The following PTPRD variants were observed in gnomAD, a reference collection of about 807,000 sequenced individuals.
PTPRD encodes protein tyrosine phosphatase receptor type D.
PTPRD carries 34 observed loss-of-function variants against 214.5 expected under a neutral mutation model. The ratio of observed to expected loss-of-function variants is 0.16; its 90% CI spans 0.12 to 0.21. The LOEUF is 0.21. PTPRD is among the 10% of genes least tolerant of loss of function. The pLI, the probability that PTPRD is intolerant of heterozygous loss-of-function variation, is 1.00. For synonymous variants in PTPRD, 1,128 were observed against 845.7 expected (o/e 1.33, Z -5.79); for missense variants, 2,545 against 2,398.7 (o/e 1.06, Z -1.27).
chr9:9,597,197 T>C (rs2154334454), intron 7 of PTPRD, among the ~76,000 whole-genome samples: 1 of 151,720 alleles, frequency 6.6e-6, no homozygotes, highest in East Asian at 1.9e-4. Context: ...AAACAGAAAG[T>C]GGATAAAGAG....
rs117486066 is a variant in PTPRD, at chr9:10,181,743, G to C, written c.-544-147953C>G. 3.5e-3 allele frequency among the ~76,000 whole-genome samples: 523 copies of C among 150,814 alleles called. 9 individuals are homozygous for C. The highest frequency in any genetic ancestry group is 0.019 in the East Asian group (100 of 5,132). On this transcript the variant is annotated intron_variant, in intron 3 of 45. Transcript: ENST00000381196. ...TGGCAAGGTGAACTGTTAGTAAATG[G>C]TGTTTGAAAATTTTCTCATTACATG...
intron 9 of PTPRD, among the ~76,000 whole-genome samples, chr9:9,284,619 A>G (rs1948790439): frequency 6.6e-6 from 1 of 151,764 alleles, no homozygotes; most frequent in African/African-American, 2.4e-5. Context: ...GTGTGACACT[A>G]TTAATGTGAT....
At chr9:9,888,687 T>C (rs2071951113) in intron 5 of PTPRD, among the ~76,000 whole-genome samples, 1 of 152,160 alleles carries the variant, frequency 6.6e-6, no homozygotes, top group Admixed American at 6.6e-5. Flanking sequence ...CCTCAGCAGA[T>C]ACAGATTCTT....
At chr9:8,558,618 G>A (rs1222594161) in intron 14 of PTPRD, among the ~76,000 whole-genome samples, 2 of 152,222 alleles carry the variant, frequency 1.3e-5, no homozygotes, top group African/African-American at 4.8e-5. Flanking sequence ...CAGGCCAGAT[G>A]AAGCCTAGAA....
intron 11 of PTPRD, among the ~76,000 whole-genome samples, chr9:8,785,101 A>G (rs2095884052): frequency 6.6e-6 from 1 of 152,222 alleles, no homozygotes; most frequent in Non-Finnish European, 1.5e-5. Flanking sequence ...GCTGTTCAAT[A>G]GAAACAACAA....
At chr9:8,660,984 T>G (rs187630947) in intron 12 of PTPRD, among the ~76,000 whole-genome samples, 15 of 152,064 alleles carry the variant, frequency 9.9e-5, no homozygotes, top group African/African-American at 3.6e-4. Context: ...ACACAAACAC[T>G]TGCACTCACT....
chr9:8,556,031 C>G (rs905933899), intron 14 of PTPRD, among the ~76,000 whole-genome samples: 1 of 152,182 alleles, frequency 6.6e-6, no homozygotes, highest in Admixed American at 6.5e-5. Flanking sequence ...CTGGAAAGAG[C>G]ATGCTACCCT....
intron 9 of PTPRD, among the ~76,000 whole-genome samples, chr9:9,396,293 C>T (rs569688863): frequency 2.0e-5 from 3 of 152,142 alleles, no homozygotes; most frequent in East Asian, 3.9e-4. Flanking sequence ...TTACTATTTA[C>T]AGCATGGTCT....
rs777639458 is a variant in PTPRD at position 8,449,841 on chromosome 9, TA to T, written c.3876-5del. ...AGAGTCGGACTCTGCCCTCTTCCTA[TA>T]GGGGGAAAATAGAAATTTAAGAAGA... On this transcript the variant is annotated splice_polypyrimidine_tract_variant and splice_region_variant and intron_variant, in intron 33 of 45. Transcript: ENST00000381196. 5.6e-6 allele frequency: 9 copies of T among 1,611,110 alleles called. No homozygotes were observed. In the African/African-American group the frequency reaches 8.0e-5, roughly 14 times the overall value.
chr9:10,301,336 C>A (rs2095856436), intron 3 of PTPRD, among the ~76,000 whole-genome samples: 1 of 152,126 alleles, frequency 6.6e-6, no homozygotes, highest in South Asian at 2.1e-4. Flanking sequence ...AGGCTGAAAA[C>A]TCCAAAAACC....
chr9:8,869,608 A>C (rs1169549276), intron 11 of PTPRD, among the ~76,000 whole-genome samples: 1 of 152,092 alleles, frequency 6.6e-6, no homozygotes, highest in Non-Finnish European at 1.5e-5. Context: ...ACTCAATTCA[A>C]ATTTATTGAT....
chr9:8,563,793 C>G (rs1419518532), intron 14 of PTPRD, among the ~76,000 whole-genome samples: 3 of 152,068 alleles, frequency 2.0e-5, no homozygotes, highest in Admixed American at 6.5e-5. Flanking sequence ...TCCAGAGTAG[C>G]TGGGACTACA....
intron 2 of PTPRD, among the ~76,000 whole-genome samples, chr9:10,384,769 A>AG (rs1300869953): frequency 3.6e-5 from 2 of 55,054 alleles, no homozygotes; most frequent in Non-Finnish European, 7.6e-5. Context: ...TAAATTTGTC[A>AG]GAAAAAAAAA....
At chr9:8,380,132 A>G (rs914862178) in intron 37 of PTPRD, among the ~76,000 whole-genome samples, 3 of 151,960 alleles carry the variant, frequency 2.0e-5, no homozygotes, top group African/African-American at 4.8e-5. Context: ...TCTAAATGTG[A>G]AAAAAAAGAA....
intron 4 of PTPRD, among the ~76,000 whole-genome samples, chr9:10,007,093 A>T (rs955820906): frequency 6.6e-6 from 1 of 151,960 alleles, no homozygotes; most frequent in Non-Finnish European, 1.5e-5. Flanking sequence ...CTCTGTTTTT[A>T]AAAAGAAAAC....
intron 14 of PTPRD, among the ~76,000 whole-genome samples, chr9:8,625,803 C>A (rs1316954697): frequency 6.6e-6 from 1 of 151,022 alleles, no homozygotes; most frequent in Non-Finnish European, 1.5e-5. Flanking sequence ...AAACACAGCT[C>A]ATTTTGGAAG....
At chr9:10,218,117 A>G (rs974526300) in intron 3 of PTPRD, among the ~76,000 whole-genome samples, 1 of 151,942 alleles carries the variant, frequency 6.6e-6, no homozygotes, top group African/African-American at 2.4e-5. Flanking sequence ...ATTAGTAAAG[A>G]AGAAAAACAG....
chr9:10,582,441 A>T (rs574749574), intron 2 of PTPRD, among the ~76,000 whole-genome samples: 1 of 152,096 alleles, frequency 6.6e-6, no homozygotes, highest in Non-Finnish European at 1.5e-5. Flanking sequence ...CCTCAAATCC[A>T]CTTTACTCAG....
intron 5 of PTPRD, among the ~76,000 whole-genome samples, chr9:9,910,649 T>G (rs2078935216): frequency 6.6e-6 from 1 of 152,028 alleles, no homozygotes; most frequent in Admixed American, 6.6e-5. Flanking sequence ...TGTTTTTTGT[T>G]ATTTAATTTT....
Sources: gnomAD v4.1 joint callset for allele counts (sites outside exome capture counted in the v4.1 genomes callset) on GRCh38, gnomAD v4.1.1 for gene constraint, MANE v1.5 for transcripts, NCBI Gene and HGNC (gene_info 2026-07-23, HGNC 2026-07-21) for gene names.